DCHS1: variants seen among roughly 807,000 people sequenced by gnomAD.
The protein encoded by DCHS1 is protocadherin-16.
A neutral mutation model predicts 213.9 loss-of-function variants in DCHS1; 78 were observed. The ratio of observed to expected loss-of-function variants is 0.36; its 90% CI spans 0.30 to 0.44. The LOEUF (loss-of-function observed/expected upper bound fraction) is 0.44, where lower values mean the gene tolerates loss of function less well. Among genes scored for constraint, DCHS1 ranks in the 20% least tolerant of loss-of-function variants. The pLI is 1.00. For synonymous variants in DCHS1, 1,828 were observed against 1,873.7 expected (o/e 0.98, Z 0.63); for missense variants, 3,946 against 4,395.9 (o/e 0.90, Z 2.89).
In DCHS1 at chr11:6,632,249, G is replaced by A. The variant is rs150912028; in HGVS notation, c.3263C>T (p.Thr1088Ile). Residue 1088 changes from threonine (T) to isoleucine (I), a missense_variant, in exon 6 of 21, where the codon ACA becomes ATA. This residue lies in a region of DCHS1 where 3,384 missense variants were observed against 3,780.1 expected (regional missense o/e 0.90). Coordinates refer to ENST00000299441, the MANE Select transcript of DCHS1 (RefSeq NM_003737.4). This position sits in a 1 kb window ranked among gnomAD's most constrained non-coding sequence, Gnocchi z 5.9. ...SKAELGQQTG[T>I]ATVRVSILNQ... ...GAGGATGCTGACCCTCACGGTGGCT[G>A]TGCCTGTCTGCTGCCCCAACTCAGC... 777 of 1,613,870 alleles carry A rather than the reference G, an allele frequency of 4.8e-4. 4 individuals carry two copies. The African/African-American group carries it at 9.3e-3, about 19-fold the overall frequency.
At position 6,641,705 on chromosome 11, in the gene DCHS1, G is replaced by C; in HGVS notation, c.-92C>G. 1.4e-6 allele frequency: 2 copies of C among 1,450,140 alleles called. No individual in the cohort carries two copies. The highest frequency in any genetic ancestry group is 1.8e-6 in the Non-Finnish European group (2 of 1,101,476). The allele number at this position is 1,450,140 out of a possible 1,614,324, so 89.8% of individuals were successfully genotyped here. ...CAGACTTTGGGTCAGGTCCCACTGGGGCCCTGGCTCCAGCTCAGGCTCCCT... is the reference window on the plus strand; with the variant it reads ...CAGACTTTGGGTCAGGTCCCACTGGCGCCCTGGCTCCAGCTCAGGCTCCCT... On this transcript the variant is annotated 5_prime_UTR_variant, in exon 2 of 21. Transcript: ENST00000299441. The surrounding 1 kb of genome is among the most constrained non-coding windows in gnomAD (Gnocchi z 7.1).
Position 6,625,133 on chromosome 11 carries a change from C to G in DCHS1, c.7146+65G>C, listed in dbSNP as rs1855772517. ...CAGCCCACCTCAGCAGCTGCTAGCTCTGATACTTCCCTCCAACAGGAACAA... is the reference window on the plus strand; with the variant it reads ...CAGCCCACCTCAGCAGCTGCTAGCTGTGATACTTCCCTCCAACAGGAACAA... On this transcript the variant is annotated intron_variant, in intron 19 of 20. Transcript: ENST00000299441. This position sits in a 1 kb window ranked among gnomAD's most constrained non-coding sequence, Gnocchi z 5.3. 6 of 1,527,244 alleles carry G rather than the reference C, an allele frequency of 3.9e-6. No homozygotes were observed. Among genetic ancestry groups the G allele is most frequent in the Non-Finnish European group, 5.3e-6 (6 of 1,138,064 alleles). The allele number at this position is 1,527,244 out of a possible 1,614,324, so 94.6% of individuals were successfully genotyped here.
At chr11:6,642,563 A>G (rs1043265264) in intron 1 of DCHS1, among the ~76,000 whole-genome samples, 1 of 143,960 alleles carries the variant, frequency 6.9e-6, no homozygotes, top group Non-Finnish European at 1.5e-5. Context: ...GACATTCTAG[A>G]AGAGTGAACA....
chr11:6,647,084 G>A (rs529694781), intron 1 of DCHS1, among the ~76,000 whole-genome samples: 1 of 152,340 alleles, frequency 6.6e-6, no homozygotes, highest in Admixed American at 6.5e-5. Context: ...ACAGGGGTGA[G>A]GAGGGGCGCC....
chr11:6,630,725 G>A lies in DCHS1; in HGVS notation c.4069C>T (p.Pro1357Ser), dbSNP rs769187295. 4 of 1,543,826 alleles carry A rather than the reference G, an allele frequency of 2.6e-6. No individual in the cohort carries two copies. The South Asian group carries it at 4.8e-5, about 18-fold the overall frequency. Residue 1357 changes from proline to serine, a missense_variant, in exon 10 of 21, where the codon CCA becomes TCA. Physicochemically the swap from Pro to Ser is moderately conservative, Grantham distance 74. Around this residue, in one of 3 missense-constraint regions of DCHS1, gnomAD observed 3,384 missense variants for 3,780.1 expected, o/e 0.90. Coordinates refer to ENST00000299441, the MANE Select transcript of DCHS1 (RefSeq NM_003737.4). ...PGSLLGSVAA[P>S]EPAGVGALTY... is the part of the protein sequence containing the mutation. ...AGTGCACCCACACCCGCGGGCTCTG[G>A]CGCTGCCACCGAGCCCAACAGAGAG...
In DCHS1 at chr11:6,621,978, G is replaced by C. The variant is rs1038176593; in HGVS notation, c.9698C>G (p.Ala3233Gly). The change falls in exon 21 of 21, where the codon GCT becomes GGT. Residue 3233 changes from alanine (A) to glycine (G), a missense_variant. Ala to Gly is a moderately conservative substitution (Grantham distance 60). This residue lies in a region of DCHS1 where 554 missense variants were observed against 590.2 expected (regional missense o/e 0.94). Coordinates refer to ENST00000299441, the MANE Select transcript of DCHS1 (RefSeq NM_003737.4). Reference sequence around the variant, plus strand: ...ATGGCTGATGGGGGAGCGGTGAGAAGCTGGTGGGAAGATGGCCCGGGCTGC... The same window carrying C: ...ATGGCTGATGGGGGAGCGGTGAGAACCTGGTGGGAAGATGGCCCGGGCTGC... ...TAAARAIFPP[A>G]SHRSPISHEG... The C allele has an allele frequency of 1.2e-6, 2 of 1,613,502 alleles. No homozygotes were observed. The highest frequency in any genetic ancestry group is 1.7e-6 in the Non-Finnish European group (2 of 1,179,824).
intron 2 of DCHS1, 145 bp downstream of exon 2, chr11:6,639,672 T>G: frequency 1.4e-6 from 1 of 690,116 alleles, no homozygotes; most frequent in Non-Finnish European, 2.4e-6. Flanking sequence ...TCTGCACAGA[T>G]TTTGGAGCTT....
chr11:6,628,347 G>A lies in DCHS1; in HGVS notation c.5371+274C>T, dbSNP rs1280347034. ...TTCTCAAAAATTAAGAGTGTTAAGG[G>A]TTTTTGAGACCAAAAATTTGAGAAC... is the stretch of plus-strand genomic sequence containing the variant. On this transcript the variant is annotated intron_variant, in intron 13 of 20. Coordinates refer to ENST00000299441, the MANE Select transcript of DCHS1 (RefSeq NM_003737.4). The surrounding 1 kb of genome is among the most constrained non-coding windows in gnomAD (Gnocchi z 4.3). Among the ~76,000 whole-genome samples, 3 of 152,126 alleles carry A rather than the reference G, an allele frequency of 2.0e-5. No individual in the cohort carries two copies. Among genetic ancestry groups the A allele is most frequent in the African/African-American group, 7.2e-5 (3 of 41,422 alleles).
At chr11:6,637,524 C>T (rs1204816392) in intron 2 of DCHS1, among the ~76,000 whole-genome samples, 1 of 152,008 alleles carries the variant, frequency 6.6e-6, no homozygotes, top group Non-Finnish European at 1.5e-5. Context: ...GTCTCATCTC[C>T]CACCTTCCCA....
chr11:6,641,898 G>A lies in DCHS1; in HGVS notation c.-120-165C>T, dbSNP rs970525658. On this transcript the variant is annotated intron_variant, in intron 1 of 20. Transcript: ENST00000299441. This position sits in a 1 kb window ranked among gnomAD's most constrained non-coding sequence, Gnocchi z 7.1. Reference sequence around the variant, plus strand: ...ACGGATCTCTGCCTCAGGACTCTTCGAGGCCACTCCAGCCTTCCCCTTGGC... The same window carrying A: ...ACGGATCTCTGCCTCAGGACTCTTCAAGGCCACTCCAGCCTTCCCCTTGGC... Among the ~76,000 whole-genome samples the A allele has an allele frequency of 1.2e-4, 18 of 152,164 alleles. No individual in the cohort carries two copies. Among genetic ancestry groups the A allele is most frequent in the African/African-American group, 1.4e-4 (6 of 41,434 alleles).
Position 6,622,786 on chromosome 11 carries a change from G to T in DCHS1, c.8890C>A (p.Arg2964Ser). Residue 2964 changes from arginine to serine, a missense_variant, in exon 21 of 21, where the codon CGT (arginine) becomes AGT (serine). Around this residue, in one of 3 missense-constraint regions of DCHS1, gnomAD observed 554 missense variants for 590.2 expected, o/e 0.94. Coordinates refer to ENST00000299441, the MANE Select transcript of DCHS1 (RefSeq NM_003737.4). This position sits in a 1 kb window ranked among gnomAD's most constrained non-coding sequence, Gnocchi z 5.4. ...GGGGCTGCCTCAGCCTTGCGGCTAC[G>T]GGCCCGAACAAGTCCTAGGACCAGG... ...AALVLGLVRA[R>S]SRKAEAAPGP... The T allele has an allele frequency of 6.3e-7, 1 of 1,593,136 alleles. No homozygotes were observed.
Position 6,624,784 on chromosome 11 carries a change from T to A in DCHS1, c.7231A>T (p.Ile2411Phe). ...TDRDSGANGH[I>F]SYHLASPADG... ...GCAGGGGAAGCCAGGTGGTAGGAAA[T>A]GTGACCGTTGGCACCTGAGTCCCGA... Residue 2411 changes from isoleucine to phenylalanine, a missense_variant, in exon 20 of 21, where the codon ATT becomes TTT. Ile to Phe is a conservative substitution (Grantham distance 21, BLOSUM62 0). Transcript: ENST00000299441. The A allele has an allele frequency of 6.2e-7, 1 of 1,613,838 alleles. No homozygotes were observed. The highest frequency in any genetic ancestry group is 8.5e-7 in the Non-Finnish European group (1 of 1,179,838).
At position 6,630,401 on chromosome 11, in the gene DCHS1, C is replaced by G; in HGVS notation, c.4393G>C (p.Gly1465Arg). Residue 1465 changes from glycine (G) to arginine (R), a missense_variant, in exon 10 of 21, where the codon GGC (glycine) becomes CGC (arginine). Physicochemically the swap from Gly to Arg is moderately radical, Grantham distance 125 (BLOSUM62 -2). This residue lies in a region of DCHS1 where 3,384 missense variants were observed against 3,780.1 expected (regional missense o/e 0.90). Transcript: ENST00000299441. ...LYTFRASDAD[G>R]PGPNSDVRYR... ...CGCACGTCGCTATTGGGGCCGGGGC[C>G]GTCGGCGTCCGACGCGCGGAAAGTG... 4.2e-6 allele frequency: 6 copies of G among 1,420,562 alleles called. No homozygotes were observed. Among genetic ancestry groups the G allele is most frequent in the Non-Finnish European group, 5.5e-6 (6 of 1,092,138 alleles). The allele number at this position is 1,420,562 out of a possible 1,614,324, so 88.0% of individuals were successfully genotyped here.
chr11:6,633,668 C>A lies in DCHS1; in HGVS notation c.2219-20G>T. Reference sequence around the variant, plus strand: ...ACAGCCCTGAGAGGAAGAATAGAAGCAGAGATATATAAGGAAACATAATAG... The same window carrying A: ...ACAGCCCTGAGAGGAAGAATAGAAGAAGAGATATATAAGGAAACATAATAG... On this transcript the variant is annotated intron_variant, in intron 4 of 20. Coordinates refer to ENST00000299441, the MANE Select transcript of DCHS1 (RefSeq NM_003737.4). 6.2e-7 allele frequency: 1 copy of A among 1,608,464 alleles called. No individual in the cohort carries two copies.
At position 6,625,849 on chromosome 11, in the gene DCHS1, T is replaced by A; in HGVS notation, c.6731+71A>T. 3 of 1,590,030 alleles carry A rather than the reference T, an allele frequency of 1.9e-6. No homozygotes were observed. The highest frequency in any genetic ancestry group is 2.6e-6 in the Non-Finnish European group (3 of 1,167,516). ...TTCAGGATGTGGCCAAGGGACCAGA[T>A]GAGTTCAAGGCAGGGCTTGAAACTG... On this transcript the variant is annotated intron_variant, in intron 17 of 20. Coordinates refer to ENST00000299441, the MANE Select transcript of DCHS1 (RefSeq NM_003737.4). The surrounding 1 kb of genome is among the most constrained non-coding windows in gnomAD (Gnocchi z 5.3).
In DCHS1 at chr11:6,626,072, C is replaced by A. The variant is rs1195887631; in HGVS notation, c.6579G>T (p.Val2193=). The change falls in exon 17 of 21, where the codon GTG becomes GTT. Residue 2193 remains valine (V), a splice_region_variant and synonymous_variant. Transcript: ENST00000299441. The surrounding 1 kb of genome is among the most constrained non-coding windows in gnomAD (Gnocchi z 5.2). ...SRPLEGPLLQ[V]EADDLDQGSG... ...AGCCTTGATCCAGGTCATCCGCCTC[C>A]ACCTGGTGAGGGTAGGAGGCTGCTG... The A allele has an allele frequency of 6.2e-7, 1 of 1,609,578 alleles. No homozygotes were observed. The highest frequency in any genetic ancestry group is 1.1e-5 in the South Asian group (1 of 90,082).
chr11:6,655,657 C>G lies in DCHS1; in HGVS notation c.-215G>C. ...CGCCCGCTCGCGCGGGGCCTGAGGC[C>G]GCGCATCGTCCGCAGTCGCTGTCTC... On this transcript the variant is annotated 5_prime_UTR_variant, in exon 1 of 21. Coordinates refer to ENST00000299441, the MANE Select transcript of DCHS1 (RefSeq NM_003737.4). 6 of 978,936 alleles carry G rather than the reference C, an allele frequency of 6.1e-6. No homozygotes were observed. Among genetic ancestry groups the G allele is most frequent in the Non-Finnish European group, 6.0e-6 (5 of 826,818 alleles). 60.6% of individuals were successfully genotyped at this position (978,936 alleles called of 1,614,324 possible).
rs575189604 is a variant in DCHS1 at position 6,623,504 on chromosome 11, G to A, written c.8172C>T (p.Leu2724=). The change falls in exon 21 of 21, where the codon CTC becomes CTT. Residue 2724 remains leucine (L), a synonymous_variant. Coordinates refer to ENST00000299441, the MANE Select transcript of DCHS1 (RefSeq NM_003737.4). ...CGTCGATTGCATGCAGAGTGGTCACGAGAGTGCCTGGAGGCTGATTCTCGG... is the reference window on the plus strand; with the variant it reads ...CGTCGATTGCATGCAGAGTGGTCACAAGAGTGCCTGGAGGCTGATTCTCGG... ...SVAENQPPGT[L]VTTLHAIDGD... is the part of the protein sequence containing the mutation. 3.2e-5 allele frequency: 51 copies of A among 1,599,356 alleles called. 1 individual carries two copies. The highest frequency in any genetic ancestry group is 1.7e-4 in the South Asian group (15 of 88,962).
Position 6,625,772 on chromosome 11 carries a change from G to T in DCHS1, c.6732-45C>A. Reference sequence around the variant, plus strand: ...ATCGGGTGGGACATGGCAATAAGGGGGAACTCTGGGCAGGGCCAGGAGGAC... The same window carrying T: ...ATCGGGTGGGACATGGCAATAAGGGTGAACTCTGGGCAGGGCCAGGAGGAC... On this transcript the variant is annotated intron_variant, in intron 17 of 20. Transcript: ENST00000299441. This position sits in a 1 kb window ranked among gnomAD's most constrained non-coding sequence, Gnocchi z 5.3. 3 of 1,590,978 alleles carry T rather than the reference G, an allele frequency of 1.9e-6. No homozygotes were observed. The highest frequency in any genetic ancestry group is 2.6e-6 in the Non-Finnish European group (3 of 1,168,004).
Sources: gnomAD v4.1 joint callset for allele counts (sites outside exome capture counted in the v4.1 genomes callset) on GRCh38, gnomAD v4.1.1 for gene constraint, gnomAD v4.1.1 regional missense constraint, Gnocchi (gnomAD v3.1) non-coding constraint, MANE v1.5 for transcripts, NCBI Gene and HGNC (gene_info 2026-07-23, HGNC 2026-07-21) for gene names.